Variants in MTA1 observed in about 807,000 individuals in gnomAD.
The protein encoded by MTA1 is metastasis associated 1.
Under a neutral mutation model 97.0 loss-of-function variants are expected in MTA1, and 15 were observed. That is an observed-to-expected ratio of 0.15 (90% CI 0.10 to 0.24). The LOEUF (loss-of-function observed/expected upper bound fraction) is 0.24. Ranked by LOEUF, MTA1 falls within the 10% of genes least tolerant of loss-of-function variation. The pLI is 1.00. For synonymous variants in MTA1, 435 were observed against 417.5 expected (o/e 1.04, Z -0.51); for missense variants, 709 against 1,015.1 (o/e 0.70, Z 4.10).
At chr14:105,457,388 T>G (rs1323092077) in intron 7 of MTA1, among the ~76,000 whole-genome samples, 1 of 152,210 alleles carries the variant, frequency 6.6e-6, no homozygotes, top group East Asian at 1.9e-4. Flanking sequence ...TCACCAGCCT[T>G]GAGTTCTCCA....
chr14:105,445,574 G>A (rs587598904), intron 3 of MTA1, 63 bp downstream of exon 3: 2 of 1,559,678 alleles, frequency 1.3e-6, no homozygotes, highest in Non-Finnish European at 1.8e-6. Context: ...GGGCTGGCGG[G>A]GTCCTTCTTC....
intron 1 of MTA1, among the ~76,000 whole-genome samples, chr14:105,434,889 G>C (rs1290061215): frequency 6.6e-6 from 1 of 152,166 alleles, no homozygotes; most frequent in Non-Finnish European, 1.5e-5. Flanking sequence ...AGACTCTGGG[G>C]ATTTCTATAT....
chr14:105,445,677 T>G (rs2141540650), intron 3 of MTA1, 166 bp downstream of exon 3: 1 of 766,830 alleles, frequency 1.3e-6, no homozygotes, highest in African/African-American at 1.7e-5. Flanking sequence ...TGGGCGGGGG[T>G]GTCCTGGCTC....
intron 4 of MTA1, 40 bp downstream of exon 4, chr14:105,449,449 G>A: frequency 1.2e-6 from 2 of 1,602,016 alleles, no homozygotes; most frequent in Non-Finnish European, 1.7e-6. Context: ...CCTCCTGTCT[G>A]TGTCCCTGGG....
intron 2 of MTA1, among the ~76,000 whole-genome samples, chr14:105,439,356 C>T (rs1446770771): frequency 1.3e-5 from 2 of 152,000 alleles, no homozygotes; most frequent in African/African-American, 2.4e-5. Context: ...GGTCGGGGGA[C>T]GTGGTTGTGC....
intron 2 of MTA1, among the ~76,000 whole-genome samples, chr14:105,441,663 G>C (rs587760837): frequency 1.3e-5 from 2 of 152,102 alleles, no homozygotes; most frequent in Non-Finnish European, 2.9e-5. Flanking sequence ...GCGTGGTGGC[G>C]GGCGCCTGTG....
chr14:105,437,938 G>A (rs1555424808), intron 1 of MTA1, among the ~76,000 whole-genome samples: 1 of 152,256 alleles, frequency 6.6e-6, no homozygotes, highest in African/African-American at 2.4e-5. Flanking sequence ...CTCTCTGTCT[G>A]TGGAGCTGGT....
At position 105,454,143 on chromosome 14, in the gene MTA1, C is replaced by G. The variant is rs587721671; in HGVS notation, c.433-50C>G. 3.8e-5 allele frequency: 56 copies of G among 1,457,762 alleles called. 1 individual carries two copies. The South Asian group carries it at 6.3e-4, about 16-fold the overall frequency. The allele number at this position is 1,457,762 out of a possible 1,614,324, so 90.3% of individuals were successfully genotyped here. On this transcript the variant is annotated intron_variant, in intron 6 of 20. Coordinates refer to ENST00000331320, the MANE Select transcript of MTA1 (RefSeq NM_004689.4). Reference sequence around the variant, plus strand: ...CGTGCTGACGCCTCTCTGACCCTCCCAGCAGCCTGACTGTGCTGACGCCTC... The same window carrying G: ...CGTGCTGACGCCTCTCTGACCCTCCGAGCAGCCTGACTGTGCTGACGCCTC...
At chr14:105,449,473 C>T (rs140101014) in intron 4 of MTA1, 64 bp downstream of exon 4, 60 of 1,559,246 alleles carry the variant, frequency 3.8e-5, no homozygotes, top group South Asian at 3.5e-5. Flanking sequence ...GGGGCGGCAG[C>T]GCCGCTGAGG....
intron 3 of MTA1, among the ~76,000 whole-genome samples, chr14:105,448,733 C>T (rs1475738922): frequency 6.6e-6 from 1 of 152,242 alleles, no homozygotes; most frequent in African/African-American, 2.4e-5. Flanking sequence ...CATGGCTGCT[C>T]CCAGCCTCAG....
rs1057363678 is a variant in MTA1 at position 105,422,119 on chromosome 14, C to A, written c.28+2056C>A. Among the ~76,000 whole-genome samples, 1 of 152,170 alleles carries A rather than the reference C, an allele frequency of 6.6e-6. No homozygotes were observed. Among genetic ancestry groups the A allele is most frequent in the African/African-American group, 2.4e-5 (1 of 41,436 alleles). On this transcript the variant is annotated intron_variant, in intron 1 of 20. Coordinates refer to ENST00000331320, the MANE Select transcript of MTA1 (RefSeq NM_004689.4). This position sits in a 1 kb window ranked among gnomAD's most constrained non-coding sequence, Gnocchi z 4.3. ...GCCGGGTGTGCTCGGAGCTGTCAGG[C>A]CCCCCACGTGCCCGCCCCGAGGACT...
chr14:105,449,533 G>C, intron 4 of MTA1, 124 bp downstream of exon 4: 1 of 1,088,980 alleles, frequency 9.2e-7, no homozygotes, highest in South Asian at 1.6e-5. Flanking sequence ...CGCCCGGCCG[G>C]CCCGGCTGAG....
At chr14:105,432,272 G>A (rs1359776457) in intron 1 of MTA1, among the ~76,000 whole-genome samples, 2 of 152,000 alleles carry the variant, frequency 1.3e-5, no homozygotes, top group African/African-American at 2.4e-5. Context: ...ACGGAGTCTT[G>A]CTCTGTCACC....
chr14:105,421,316 G>T (rs587695034), intron 1 of MTA1, among the ~76,000 whole-genome samples: 3 of 152,314 alleles, frequency 2.0e-5, no homozygotes. Context: ...CAGCCTGGGT[G>T]CGGGGTCCCT....
intron 16 of MTA1, chr14:105,466,046 G>C (rs1020474070): frequency 4.3e-6 from 1 of 232,406 alleles, no homozygotes; most frequent in African/African-American, 2.3e-5. Context: ...GCTGTCTGAC[G>C]AGCAGCCAGC....
chr14:105,437,197 G>A (rs587762510), intron 1 of MTA1, among the ~76,000 whole-genome samples: 15 of 152,108 alleles, frequency 9.9e-5, no homozygotes, highest in Admixed American at 7.9e-4. Flanking sequence ...AAACAGGTGC[G>A]TCCTCCCAGG....
intron 3 of MTA1, among the ~76,000 whole-genome samples, chr14:105,446,398 C>T (rs1403861181): frequency 1.3e-5 from 2 of 152,318 alleles, no homozygotes; most frequent in East Asian, 1.9e-4. Context: ...CCCGGGTACC[C>T]GTGTCGCTGG....
rs1555431691 is a variant in MTA1, at chr14:105,463,974, TGGGC to T, written c.1077-57_1077-54del. ...TCAGCCGCGGTGCCTGCTGGGCACATGGGCCCTCGAGGTTTGTGCTCCTGCAACT... is the reference window on the plus strand; with the variant it reads ...TCAGCCGCGGTGCCTGCTGGGCACATCCTCGAGGTTTGTGCTCCTGCAACT... On this transcript the variant is annotated intron_variant, in intron 12 of 20. Transcript: ENST00000331320. This position sits in a 1 kb window ranked among gnomAD's most constrained non-coding sequence, Gnocchi z 5.9. 3.3e-5 allele frequency: 51 copies of T among 1,558,156 alleles called. No homozygotes were observed. The African/African-American group carries it at 6.6e-4, about 20-fold the overall frequency.
intron 1 of MTA1, among the ~76,000 whole-genome samples, chr14:105,421,447 C>T (rs1036282174): frequency 6.6e-6 from 1 of 152,202 alleles, no homozygotes; most frequent in Non-Finnish European, 1.5e-5. Flanking sequence ...GGGCTCCAGC[C>T]GGGCCCACTG....
Sources: gnomAD v4.1 joint callset for allele counts (sites outside exome capture counted in the v4.1 genomes callset) on GRCh38, gnomAD v4.1.1 for gene constraint, Gnocchi (gnomAD v3.1) non-coding constraint, MANE v1.5 for transcripts, NCBI Gene and HGNC (gene_info 2026-07-23, HGNC 2026-07-21) for gene names.